CTXND1: variants seen among roughly 807,000 people sequenced by gnomAD.
CTXND1 encodes cortexin domain-containing 1 protein.
chr15:80,204,173 T>G (rs60142536), intron 1 of CTXND1, among the ~76,000 whole-genome samples: 1 of 32,954 alleles, frequency 3.0e-5, no homozygotes, highest in East Asian at 1.4e-3. Context: ...AAAAAAAATA[T>G]ATATATATAT....
intron 1 of CTXND1, among the ~76,000 whole-genome samples, chr15:80,220,394 TC>T (rs1237729181): frequency 6.6e-6 from 1 of 152,212 alleles, no homozygotes; most frequent in African/African-American, 2.4e-5. Flanking sequence ...GGGCTCTCTA[TC>T]CTTTTGAATT....
chr15:80,229,813 G>C (rs7164382), intron 1 of CTXND1, among the ~76,000 whole-genome samples: 92,432 of 152,026 alleles, frequency 0.61, 28,961 homozygotes, highest in East Asian at 0.87. Context: ...CACAAAAATA[G>C]AAAAAATACA....
At chr15:80,239,969 A>T (rs891061477) in intron 1 of CTXND1, among the ~76,000 whole-genome samples, 1 of 151,882 alleles carries the variant, frequency 6.6e-6, no homozygotes, top group African/African-American at 2.4e-5. Flanking sequence ...GTATTACTTT[A>T]TTTATTTATT....
At chr15:80,216,479 G>A (rs1247144353) in intron 1 of CTXND1, among the ~76,000 whole-genome samples, 1 of 152,134 alleles carries the variant, frequency 6.6e-6, no homozygotes, top group Non-Finnish European at 1.5e-5. Flanking sequence ...TAGCAGCAGG[G>A]GGACCAACAA....
intron 1 of CTXND1, among the ~76,000 whole-genome samples, chr15:80,233,357 A>T (rs796347461): frequency 5.3e-5 from 8 of 152,342 alleles, no homozygotes; most frequent in African/African-American, 1.9e-4. Flanking sequence ...AGTGCTTAGC[A>T]TAGTTACTCA....
chr15:80,218,165 T>G (rs57655188), intron 1 of CTXND1, among the ~76,000 whole-genome samples: 2,636 of 152,278 alleles, frequency 0.017, 92 homozygotes, highest in African/African-American at 0.06. Context: ...AGATAGGGTC[T>G]TGTTCTGTCC....
chr15:80,232,402 C>A (rs1893441252), intron 1 of CTXND1, among the ~76,000 whole-genome samples: 1 of 152,180 alleles, frequency 6.6e-6, no homozygotes, highest in Non-Finnish European at 1.5e-5. Flanking sequence ...ATTGTAATTT[C>A]ATCAGTGGCC....
At chr15:80,239,556 G>A (rs192192297) in intron 1 of CTXND1, among the ~76,000 whole-genome samples, 2 of 152,280 alleles carry the variant, frequency 1.3e-5, no homozygotes, top group Middle Eastern at 3.4e-3. Flanking sequence ...TCCTGCCCTC[G>A]AACATCTGAC....
intron 1 of CTXND1, among the ~76,000 whole-genome samples, chr15:80,251,281 C>A (rs778189492): frequency 6.6e-6 from 1 of 152,150 alleles, no homozygotes; most frequent in Non-Finnish European, 1.5e-5. Context: ...TAATACATTC[C>A]CCAAAACATT....
chr15:80,250,915 T>C (rs989862640), intron 1 of CTXND1, among the ~76,000 whole-genome samples: 4 of 152,192 alleles, frequency 2.6e-5, no homozygotes, highest in African/African-American at 9.6e-5. Flanking sequence ...TATAGAAGAC[T>C]TCAACTCCAG....
chr15:80,226,602 T>A (rs1893374558), intron 1 of CTXND1, among the ~76,000 whole-genome samples: 1 of 152,150 alleles, frequency 6.6e-6, no homozygotes, highest in Non-Finnish European at 1.5e-5. Context: ...ATTCTCCACT[T>A]TCCCCAACTC....
At chr15:80,247,055 GA>G (rs1434398484) in intron 1 of CTXND1, among the ~76,000 whole-genome samples, 1 of 152,154 alleles carries the variant, frequency 6.6e-6, no homozygotes, top group African/African-American at 2.4e-5. Context: ...TTACCCATGA[GA>G]AAATTGAGGC....
chr15:80,219,429 C>A (rs1253164819), intron 1 of CTXND1, among the ~76,000 whole-genome samples: 2 of 152,142 alleles, frequency 1.3e-5, no homozygotes, highest in Admixed American at 6.5e-5. Flanking sequence ...CTGCTCATTT[C>A]TTCTCCAACT....
At chr15:80,210,830 G>T (rs150525904) in intron 1 of CTXND1, among the ~76,000 whole-genome samples, 17 of 152,328 alleles carry the variant, frequency 1.1e-4, no homozygotes, top group Admixed American at 3.9e-4. Flanking sequence ...CAGTGGGGTT[G>T]GCTGCTCCCC....
intron 1 of CTXND1, among the ~76,000 whole-genome samples, chr15:80,208,330 A>C (rs1156784836): frequency 2.6e-5 from 4 of 152,258 alleles, no homozygotes; most frequent in Non-Finnish European, 4.4e-5. Context: ...GTTGATGAGC[A>C]ATATCACAAA....
In CTXND1 at chr15:80,239,767, C is replaced by T. The variant is rs918704668; in HGVS notation, c.-218+12240G>A. On this transcript the variant is annotated intron_variant, in intron 1 of 2. Transcript: ENST00000560778. Reference sequence around the variant, plus strand: ...CTCCCCATTGTCCACAGAGTCCAGTCCCTTCAGCCAAGCATTCAAGGATCA... The same window carrying T: ...CTCCCCATTGTCCACAGAGTCCAGTTCCTTCAGCCAAGCATTCAAGGATCA... 6.6e-5 allele frequency among the ~76,000 whole-genome samples: 10 copies of T among 152,156 alleles called. 1 individual carries two copies. The highest frequency in any genetic ancestry group is 1.7e-4 in the African/African-American group (7 of 41,436).
At chr15:80,225,507 A>G (rs529576554) in intron 1 of CTXND1, among the ~76,000 whole-genome samples, 3 of 152,170 alleles carry the variant, frequency 2.0e-5, no homozygotes, top group South Asian at 2.1e-4. Flanking sequence ...TTATGGATTT[A>G]TCTTCCATAT....
intron 1 of CTXND1, among the ~76,000 whole-genome samples, chr15:80,208,693 A>G (rs6495482): frequency 0.73 from 111,786 of 152,092 alleles, 41,241 homozygotes; most frequent in East Asian, 0.88. Context: ...TCCACTTTGG[A>G]CATCCACAAA....
chr15:80,211,153 C>G (rs561972053), intron 1 of CTXND1, among the ~76,000 whole-genome samples: 1 of 152,292 alleles, frequency 6.6e-6, no homozygotes, highest in African/African-American at 2.4e-5. Flanking sequence ...ACCTGTTAGG[C>G]CGGCTCACAG....
Sources: allele counts gnomAD v4.1 joint callset (sites outside exome capture counted in the v4.1 genomes callset), GRCh38; gene constraint gnomAD v4.1.1; transcripts MANE v1.5; gene names NCBI Gene and HGNC (gene_info 2026-07-23, HGNC 2026-07-21).